Variants in HP1BP3 observed in about 807,000 individuals in gnomAD.
HP1BP3 encodes heterochromatin protein 1 binding protein 3.
A neutral mutation model predicts 62.5 loss-of-function variants in HP1BP3; 12 were observed. That is an observed-to-expected ratio of 0.19 (90% CI 0.12 to 0.31). The LOEUF (loss-of-function observed/expected upper bound fraction) is 0.31, where lower values mean the gene tolerates loss of function less well. Among genes scored for constraint, HP1BP3 ranks in the 10% least tolerant of loss-of-function variants. The pLI is 1.00. For synonymous variants in HP1BP3, 260 were observed against 237.8 expected, an observed-to-expected ratio of 1.09 and a Z score of -0.86; for missense variants, 502 against 651.8, an observed-to-expected ratio of 0.77 and a Z score of 2.50.
chr1:20,754,469 G>GT (rs2055973788), intron 9 of HP1BP3, among the ~76,000 whole-genome samples: 2 of 150,536 alleles, frequency 1.3e-5, no homozygotes, highest in African/African-American at 2.5e-5. Flanking sequence ...CTGTTTTTTT[G>GT]GTTTTTTTTT....
Position 20,745,573 on chromosome 1 carries a change from G to A in HP1BP3, c.1337C>T (p.Ser446Phe), listed in dbSNP as rs764450369. 1 of 1,614,066 alleles carries A rather than the reference G, an allele frequency of 6.2e-7. No homozygotes were observed. Among genetic ancestry groups the A allele is most frequent in the Middle Eastern group, 1.6e-4 (1 of 6,062 alleles). Reference sequence around the variant, plus strand: ...CTTAGGTGGCGGCTCTTCATCCTCAGAGTCTTCTTCTGATGACTCATCTTC... The same window carrying A: ...CTTAGGTGGCGGCTCTTCATCCTCAAAGTCTTCTTCTGATGACTCATCTTC... Reference protein sequence around the residue: ...EDEDESSEEDSEDEEPPPKRR... With the variant: ...EDEDESSEEDFEDEEPPPKRR... The change falls in exon 12 of 13, where the codon TCT (serine) becomes TTT (phenylalanine). Residue 446 changes from serine (S) to phenylalanine (F), a missense_variant. Ser to Phe is a radical substitution (Grantham distance 155, BLOSUM62 -2). This residue lies in a region of HP1BP3 where 194 missense variants were observed against 207.0 expected (regional missense o/e 0.94). Coordinates refer to ENST00000438032, the MANE Select transcript of HP1BP3 (RefSeq NM_001372052.1).
chr1:20,787,014 G>A (rs1288155183), intron 1 of HP1BP3, among the ~76,000 whole-genome samples, 181 bp downstream of exon 1: 1 of 151,990 alleles, frequency 6.6e-6, no homozygotes, highest in African/African-American at 2.4e-5. Flanking sequence ...AGAGAGGAAG[G>A]GAGCGGGGCG....
chr1:20,740,548 TG>T lies in HP1BP3; in HGVS notation c.*4248del, dbSNP rs2055053952. On this transcript the variant is annotated 3_prime_UTR_variant, in exon 13 of 13. Transcript: ENST00000438032. ...ACAGAAGAAAGAATAGGGCCAGGTA[TG>T]GCGACTCACGCCTGTAATCCTGGCA... Among the ~76,000 whole-genome samples, 1 of 152,224 alleles carries T rather than the reference TG, an allele frequency of 6.6e-6. No individual in the cohort carries two copies. The highest frequency in any genetic ancestry group is 2.1e-4 in the South Asian group (1 of 4,838).
intron 3 of HP1BP3, among the ~76,000 whole-genome samples, chr1:20,779,447 G>A (rs2057445989): frequency 6.6e-6 from 1 of 152,078 alleles, no homozygotes; most frequent in South Asian, 2.1e-4. Context: ...ATTTCTGGAT[G>A]AACCTTCCAC....
Position 20,742,279 on chromosome 1 carries a change from G to A in HP1BP3, c.*2518C>T, listed in dbSNP as rs1311570767. 1.3e-5 allele frequency among the ~76,000 whole-genome samples: 2 copies of A among 152,204 alleles called. No individual in the cohort carries two copies. The highest frequency in any genetic ancestry group is 2.4e-5 in the African/African-American group (1 of 41,450). On this transcript the variant is annotated 3_prime_UTR_variant, in exon 13 of 13. Coordinates refer to ENST00000438032, the MANE Select transcript of HP1BP3 (RefSeq NM_001372052.1). ...CTATTAAGAATCATTACTTGCTAGAGAGCACAGGAGTAATTACTACAATTA... is the reference window on the plus strand; with the variant it reads ...CTATTAAGAATCATTACTTGCTAGAAAGCACAGGAGTAATTACTACAATTA...
At chr1:20,760,031 G>A (rs1291209324) in intron 8 of HP1BP3, among the ~76,000 whole-genome samples, 3 of 152,020 alleles carry the variant, frequency 2.0e-5, no homozygotes, top group Non-Finnish European at 2.9e-5. Context: ...TGGGATTACA[G>A]GCATGTGCCA....
At chr1:20,779,709 A>G (rs1322979824) in intron 3 of HP1BP3, 103 bp downstream of exon 3, 1 of 610,954 alleles carries the variant, frequency 1.6e-6, no homozygotes. Context: ...ACACTTAGCC[A>G]TGAAAAAAAA....
chr1:20,787,000 C>G (rs1015431113), intron 1 of HP1BP3, among the ~76,000 whole-genome samples, 195 bp downstream of exon 1: 27 of 152,088 alleles, frequency 1.8e-4, no homozygotes, highest in Admixed American at 1.0e-3. Flanking sequence ...GGCTAGGTCG[C>G]AGGAGAGAGG....
At chr1:20,779,750 G>T in intron 3 of HP1BP3, 62 bp downstream of exon 3, 17 of 927,628 alleles carry the variant, frequency 1.8e-5, no homozygotes, top group East Asian at 2.8e-5. Flanking sequence ...AGGAATTTAT[G>T]GGACACTCCA....
At position 20,779,830 on chromosome 1, in the gene HP1BP3, C is replaced by A; in HGVS notation, c.178G>T (p.Gly60Trp). 6.2e-7 allele frequency: 1 copy of A among 1,612,550 alleles called. No individual in the cohort carries two copies. Among genetic ancestry groups the A allele is most frequent in the Non-Finnish European group, 8.5e-7 (1 of 1,179,350 alleles). Reference protein sequence around the residue: ...ETPPKSKLAEGEEEKPEPDIS... With the variant: ...ETPPKSKLAEWEEEKPEPDIS... ...ACTTTACCTGGCTTTTCTTCCTCCCCTTCAGCAAGCTTGCTTTTGGGAGGA... is the reference window on the plus strand; with the variant it reads ...ACTTTACCTGGCTTTTCTTCCTCCCATTCAGCAAGCTTGCTTTTGGGAGGA... Residue 60 changes from glycine to tryptophan, a missense_variant, in exon 3 of 13, where the codon GGG becomes TGG. Physicochemically the swap from Gly to Trp is radical, Grantham distance 184. Coordinates refer to ENST00000438032, the MANE Select transcript of HP1BP3 (RefSeq NM_001372052.1).
At chr1:20,754,326 C>T (rs1320257240) in intron 9 of HP1BP3, among the ~76,000 whole-genome samples, 3 of 152,176 alleles carry the variant, frequency 2.0e-5, no homozygotes, top group Non-Finnish European at 4.4e-5. Context: ...GTACACCGAA[C>T]AACTACAAAA....
chr1:20,772,631 G>A (rs550735345), intron 5 of HP1BP3, among the ~76,000 whole-genome samples: 6 of 152,192 alleles, frequency 3.9e-5, no homozygotes, highest in African/African-American at 9.6e-5. Flanking sequence ...GCTCCTTTTC[G>A]TACACATCCC....
chr1:20,745,751 C>A, intron 11 of HP1BP3, 95 bp from the exon 12 acceptor site: 1 of 1,205,494 alleles, frequency 8.3e-7, no homozygotes, highest in Non-Finnish European at 1.2e-6. Context: ...TATCCCACTT[C>A]TTCCCACCCT....
chr1:20,773,739 T>C (rs1039862206), intron 4 of HP1BP3, 129 bp from the exon 5 acceptor site: 64 of 567,040 alleles, frequency 1.1e-4, no homozygotes, highest in Non-Finnish European at 1.5e-4. Context: ...AGATGACATG[T>C]ACCATAAGCA....
At chr1:20,785,419 T>C (rs2057776442) in intron 1 of HP1BP3, among the ~76,000 whole-genome samples, 1 of 152,228 alleles carries the variant, frequency 6.6e-6, no homozygotes. Flanking sequence ...ATATATGTAA[T>C]ACATGTCATT....
chr1:20,771,672 G>C (rs1357025268), intron 5 of HP1BP3, among the ~76,000 whole-genome samples: 1 of 152,132 alleles, frequency 6.6e-6, no homozygotes, highest in East Asian at 1.9e-4. Flanking sequence ...TTTGACTAAT[G>C]CACCTGGAAG....
At chr1:20,783,426 G>A (rs2057664754) in intron 1 of HP1BP3, among the ~76,000 whole-genome samples, 1 of 152,010 alleles carries the variant, frequency 6.6e-6, no homozygotes, top group Non-Finnish European at 1.5e-5. Context: ...GGCTGAGGGA[G>A]AAGAATCACT....
chr1:20,757,817 T>C (rs890234611), intron 8 of HP1BP3, among the ~76,000 whole-genome samples: 10 of 152,036 alleles, frequency 6.6e-5, no homozygotes, highest in African/African-American at 2.4e-4. Context: ...ATCACTGTTA[T>C]CAAATTAAGA....
chr1:20,752,245 C>G lies in HP1BP3; in HGVS notation c.982-2363G>C, dbSNP rs142320036. Among the ~76,000 whole-genome samples, 480 of 151,880 alleles carry G rather than the reference C, an allele frequency of 3.2e-3. 2 individuals are homozygous for G. Among genetic ancestry groups the G allele is most frequent in the African/African-American group, 0.011 (451 of 41,466 alleles). On this transcript the variant is annotated intron_variant, in intron 9 of 12. Transcript: ENST00000438032. ...CCACTGTACTCACTGCAACAAGACT[C>G]CATCTCAAAAAACAAACAAACAAAA...
Sources: gnomAD v4.1 joint callset for allele counts (sites outside exome capture counted in the v4.1 genomes callset) on GRCh38, gnomAD v4.1.1 for gene constraint, gnomAD v4.1.1 regional missense constraint, MANE v1.5 for transcripts, NCBI Gene and HGNC (gene_info 2026-07-23, HGNC 2026-07-21) for gene names.